NEDD4L: variants seen among roughly 807,000 people sequenced by gnomAD.
NEDD4L encodes the protein E3 ubiquitin-protein ligase NEDD4-like.
In NEDD4L, 54 loss-of-function variants were observed where a neutral mutation model predicts 148.9. The observed-to-expected ratio is 0.36, with a 90% CI of 0.29 to 0.45. NEDD4L has a LOEUF of 0.45. NEDD4L is among the 20% of genes least tolerant of loss of function. The pLI is 1.00. For synonymous variants in NEDD4L, 433 were observed against 440.7 expected, an observed-to-expected ratio of 0.98 and a Z score of 0.22; for missense variants, 856 against 1,233.8, an observed-to-expected ratio of 0.69 and a Z score of 4.59.
chr18:58,225,825 G>T (rs1267826672), intron 2 of NEDD4L, among the ~76,000 whole-genome samples: 2 of 152,176 alleles, frequency 1.3e-5, no homozygotes, highest in Admixed American at 1.3e-4. Context: ...ACTGATAATA[G>T]AATTAGTAGT....
chr18:58,227,852 C>CT lies in NEDD4L; in HGVS notation c.123-17567dup, dbSNP rs35888707. ...CAGCTTCTGCTCCATTGCTGTTGAA[C>CT]TTTTTTTTGGTCGTGACATCAGAAA... On this transcript the variant is annotated intron_variant, in intron 2 of 30. Coordinates refer to ENST00000400345, the MANE Select transcript of NEDD4L (RefSeq NM_001144967.3). 1,171 of 966,154 alleles carry CT rather than the reference C, an allele frequency of 1.2e-3. 5 individuals carry two copies. In the African/African-American group the frequency reaches 0.019, roughly 15 times the overall value. 59.8% of individuals were successfully genotyped at this position (966,154 alleles called of 1,614,324 possible).
chr18:58,305,748 C>T (rs1000942248), intron 5 of NEDD4L, among the ~76,000 whole-genome samples: 1 of 151,658 alleles, frequency 6.6e-6, no homozygotes, highest in Non-Finnish European at 1.5e-5. Flanking sequence ...ATTTGTTTTA[C>T]AAAGTTTTGA....
At chr18:58,223,140 A>G (rs2043957458) in intron 2 of NEDD4L, among the ~76,000 whole-genome samples, 1 of 152,108 alleles carries the variant, frequency 6.6e-6, no homozygotes, top group African/African-American at 2.4e-5. Flanking sequence ...AGAGAGGAAG[A>G]AATGCTTTTT....
At position 58,085,376 on chromosome 18, in the gene NEDD4L, G is replaced by A. The variant is rs1369007109; in HGVS notation, c.48+40668G>A. 3.3e-5 allele frequency among the ~76,000 whole-genome samples: 5 copies of A among 152,284 alleles called. No individual in the cohort carries two copies. In the East Asian group the frequency reaches 7.7e-4, roughly 24 times the overall value. On this transcript the variant is annotated intron_variant, in intron 1 of 30. Coordinates refer to ENST00000400345, the MANE Select transcript of NEDD4L (RefSeq NM_001144967.3). ...TGGACTTGGTCCTCTACCCAGCGTA[G>A]GGGGGTCATTCTGGGGGCTGAACCG... is the stretch of plus-strand genomic sequence containing the variant.
At chr18:58,317,242 G>C (rs904796667) in intron 6 of NEDD4L, among the ~76,000 whole-genome samples, 1 of 152,202 alleles carries the variant, frequency 6.6e-6, no homozygotes, top group Non-Finnish European at 1.5e-5. Context: ...GGGCTTCTGC[G>C]TGAGAACTAC....
chr18:58,224,457 G>A (rs1023235220), intron 2 of NEDD4L, among the ~76,000 whole-genome samples: 1 of 152,230 alleles, frequency 6.6e-6, no homozygotes, highest in Admixed American at 6.5e-5. Flanking sequence ...AACTTCATTA[G>A]AGGAAATGGC....
intron 1 of NEDD4L, among the ~76,000 whole-genome samples, chr18:58,124,541 C>G (rs1375024875): frequency 2.6e-5 from 4 of 152,150 alleles, no homozygotes; most frequent in Non-Finnish European, 4.4e-5. Flanking sequence ...GGCTGCCAGC[C>G]CAGCCTCCTC....
intron 2 of NEDD4L, among the ~76,000 whole-genome samples, chr18:58,242,538 T>C (rs2046764928): frequency 6.6e-6 from 1 of 152,016 alleles, no homozygotes; most frequent in Non-Finnish European, 1.5e-5. Flanking sequence ...TCTCACTCTG[T>C]CGCCCATCCT....
intron 8 of NEDD4L, among the ~76,000 whole-genome samples, chr18:58,324,453 G>T (rs1420556697): frequency 6.6e-6 from 1 of 152,210 alleles, no homozygotes; most frequent in Admixed American, 6.5e-5. Flanking sequence ...CAAAGAGGAG[G>T]CTTCTCTCTC....
intron 1 of NEDD4L, among the ~76,000 whole-genome samples, chr18:58,145,753 T>C (rs751942398): frequency 2.6e-5 from 4 of 152,198 alleles, no homozygotes; most frequent in African/African-American, 4.8e-5. Flanking sequence ...TTAAGGCTCT[T>C]TGTATATTTT....
chr18:58,127,840 C>CAAAAA (rs113559692), intron 1 of NEDD4L, among the ~76,000 whole-genome samples: 2 of 114,146 alleles, frequency 1.8e-5, no homozygotes, highest in South Asian at 3.6e-4. Flanking sequence ...GACTCCGTCT[C>CAAAAA]AAAAAAAAAA....
At chr18:58,353,620 C>G (rs549689772) in intron 18 of NEDD4L, among the ~76,000 whole-genome samples, 1 of 152,214 alleles carries the variant, frequency 6.6e-6, no homozygotes, top group South Asian at 2.1e-4. Context: ...AAAATTCAGT[C>G]TGTGAAAACT....
At chr18:58,127,501 TG>T (rs1221800936) in intron 1 of NEDD4L, among the ~76,000 whole-genome samples, 2 of 151,412 alleles carry the variant, frequency 1.3e-5, no homozygotes, top group Non-Finnish European at 2.9e-5. Context: ...GCCAGGAGTT[TG>T]GGACCAGCCT....
chr18:58,323,458 C>T, intron 8 of NEDD4L, 124 bp downstream of exon 8: 3 of 617,322 alleles, frequency 4.9e-6, no homozygotes, highest in Non-Finnish European at 8.6e-6. Context: ...GTACATATGT[C>T]CGCAAATTGG....
At chr18:58,300,583 C>T (rs1285388048) in intron 5 of NEDD4L, among the ~76,000 whole-genome samples, 2 of 152,228 alleles carry the variant, frequency 1.3e-5, no homozygotes, top group Admixed American at 6.5e-5. Flanking sequence ...GCTCTTTTTG[C>T]TGTCTTTCTC....
At chr18:58,377,357 C>T (rs1157238813) in intron 24 of NEDD4L, among the ~76,000 whole-genome samples, 1 of 152,196 alleles carries the variant, frequency 6.6e-6, no homozygotes, top group Non-Finnish European at 1.5e-5. Flanking sequence ...TGGGGTGAAA[C>T]AGACATGCAG....
At chr18:58,115,600 G>A (rs1275000112) in intron 1 of NEDD4L, among the ~76,000 whole-genome samples, 1 of 152,148 alleles carries the variant, frequency 6.6e-6, no homozygotes, top group East Asian at 1.9e-4. Context: ...GGTCTGAATT[G>A]AGAATGGGGA....
chr18:58,322,558 C>T (rs2058899812), intron 7 of NEDD4L, 72 bp downstream of exon 7: 1 of 959,578 alleles, frequency 1.0e-6, no homozygotes, highest in Non-Finnish European at 1.6e-6. Context: ...GGATGCCTGC[C>T]CTGCGTGCTG....
chr18:58,395,893 G>A (rs978234206), intron 30 of NEDD4L, among the ~76,000 whole-genome samples: 6 of 152,082 alleles, frequency 3.9e-5, no homozygotes, highest in African/African-American at 1.2e-4. Flanking sequence ...AAATCTTGCC[G>A]GTTACTCCCT....
Sources: gnomAD v4.1 joint callset for allele counts (sites outside exome capture counted in the v4.1 genomes callset) on GRCh38, gnomAD v4.1.1 for gene constraint, MANE v1.5 for transcripts, NCBI Gene and HGNC (gene_info 2026-07-23, HGNC 2026-07-21) for gene names.